Variants in ECI2 observed in about 807,000 individuals in gnomAD.
The protein encoded by ECI2 is enoyl-CoA delta isomerase 2.
A neutral mutation model predicts 38.4 loss-of-function variants in ECI2; 27 were observed. That is an observed-to-expected ratio of 0.70 (90% CI 0.52 to 0.97). The LOEUF is 0.97. Ranked by LOEUF, ECI2 falls within the 50% of genes least tolerant of loss-of-function variation. ECI2 has a pLI of 0.00. For synonymous variants in ECI2, 168 were observed against 172.0 expected (o/e 0.98, Z 0.18); for missense variants, 470 against 474.4 (o/e 0.99, Z 0.09).
rs1404763029 is a variant in ECI2, at chr6:4,125,033, C to T, written c.795+217G>A. 3 of 728,506 alleles carry T rather than the reference C, an allele frequency of 4.1e-6. No homozygotes were observed. In the South Asian group the frequency reaches 4.7e-5, roughly 11 times the overall value. The allele number at this position is 728,506 out of a possible 1,614,324, so 45.1% of individuals were successfully genotyped here. The stretch of plus-strand genomic sequence containing the variant: ...GAATTTGATTAGAATCCGGAACAGT[C>T]AGAGTTGGAACAATGTTCACAACAA... On this transcript the variant is annotated intron_variant, in intron 7 of 9. Coordinates refer to ENST00000380118, the MANE Select transcript of ECI2 (RefSeq NM_206836.3).
intron 6 of ECI2, chr6:4,125,748 C>T: frequency 2.5e-6 from 1 of 407,918 alleles, no homozygotes; most frequent in South Asian, 2.3e-5. Flanking sequence ...AAGAGAAAAG[C>T]CTTCATGACC....
At chr6:4,118,970 G>C in intron 8 of ECI2, 1 of 418,386 alleles carries the variant, frequency 2.4e-6, no homozygotes. Flanking sequence ...CCCAGTTCTG[G>C]GAACTGCAGA....
chr6:4,133,779 G>A, intron 1 of ECI2, 68 bp from the exon 2 acceptor site: 1 of 1,516,790 alleles, frequency 6.6e-7, no homozygotes, highest in Non-Finnish European at 8.8e-7. Context: ...ATTTCTAATT[G>A]TTCCCAGCCT....
chr6:4,127,907 C>G, intron 4 of ECI2, 76 bp from the exon 5 acceptor site: 1 of 1,426,892 alleles, frequency 7.0e-7, no homozygotes, highest in Non-Finnish European at 9.6e-7. Context: ...CAACAAATGT[C>G]AGGCTGCAAG....
chr6:4,127,705 TATTAAGAGGCCCCTCAAA>T lies in ECI2; in HGVS notation c.571+39_571+56del, dbSNP rs1024068409. On this transcript the variant is annotated intron_variant, in intron 5 of 9. Coordinates refer to ENST00000380118, the MANE Select transcript of ECI2 (RefSeq NM_206836.3). ...GAGCTTTTTAACTCAATTTCCTATC[TATTAAGAGGCCCCTCAAA>T]ATAGAAATTTAATTAGGATGCCTGA... is the stretch of plus-strand genomic sequence containing the variant. 11 of 1,561,190 alleles carry T rather than the reference TATTAAGAGGCCCCTCAAA, an allele frequency of 7.0e-6. No homozygotes were observed. The African/African-American group carries it at 1.4e-4, about 20-fold the overall frequency.
At chr6:4,126,792 A>G (rs1773190891) in intron 5 of ECI2, among the ~76,000 whole-genome samples, 2 of 152,222 alleles carry the variant, frequency 1.3e-5, no homozygotes, top group Admixed American at 6.5e-5. Flanking sequence ...CACTGAAAGT[A>G]TGTTTCTGAG....
At chr6:4,125,008 G>C (rs1253796185) in intron 7 of ECI2, 2 of 642,896 alleles carry the variant, frequency 3.1e-6, no homozygotes, top group Admixed American at 4.4e-5. Context: ...ACCTATTGTG[G>C]AATTTGATTA....
chr6:4,117,704 A>C (rs1772376094), intron 8 of ECI2: 1 of 372,914 alleles, frequency 2.7e-6, no homozygotes, highest in South Asian at 7.6e-5. Flanking sequence ...CAGGGGGTCC[A>C]GGGCAGAAAT....
rs1386550463 is a variant in ECI2, at chr6:4,125,311, G to A, written c.734C>T (p.Pro245Leu). The change falls in exon 7 of 10, where the codon CCA becomes CTA. Residue 245 changes from proline to leucine, a missense_variant. Transcript: ENST00000380118. ...GAGGGTGACGGAGATGCCCACAGCT[G>A]GACCATTGACCACTGCAATCAGAGG... ...PKPLIAVVNG[P>L]AVGISVTLLG... is the part of the protein sequence containing the mutation. 1 of 1,613,978 alleles carries A rather than the reference G, an allele frequency of 6.2e-7. No individual in the cohort carries two copies. Among genetic ancestry groups the A allele is most frequent in the African/African-American group, 1.3e-5 (1 of 74,886 alleles).
chr6:4,135,096 G>A, intron 1 of ECI2: 1 of 475,090 alleles, frequency 2.1e-6, no homozygotes. Flanking sequence ...CCACACGAGT[G>A]ATAACGGCTT....
In ECI2 at chr6:4,130,465, T is replaced by G; in HGVS notation, c.408A>C (p.Ser136=). The G allele has an allele frequency of 6.2e-7, 1 of 1,614,228 alleles. No homozygotes were observed. The highest frequency in any genetic ancestry group is 8.5e-7 in the Non-Finnish European group (1 of 1,180,042). The change falls in exon 4 of 10, where the codon TCA becomes TCC. Residue 136 remains serine (S), a synonymous_variant. Coordinates refer to ENST00000380118, the MANE Select transcript of ECI2 (RefSeq NM_206836.3). ...TCACCACCAGAGTTTCAAACCCAGT[T>G]GATTTCCTGTCTGTTCCAGGCTCCA... The part of the protein sequence containing the change: ...SQVEPGTDRK[S]TGFETLVVTS...
intron 4 of ECI2, 60 bp from the exon 5 acceptor site, chr6:4,127,891 T>G: frequency 8.6e-6 from 13 of 1,513,870 alleles, no homozygotes; most frequent in Non-Finnish European, 1.2e-5. Context: ...CATCAATCAA[T>G]GGACTCAACA....
chr6:4,125,567 G>C, intron 6 of ECI2, 197 bp from the exon 7 acceptor site: 1 of 725,262 alleles, frequency 1.4e-6, no homozygotes, highest in East Asian at 2.9e-5. Flanking sequence ...CTGAATGGCA[G>C]TGGATGGAAG....
In ECI2 at chr6:4,126,153, T is replaced by G; in HGVS notation, c.656A>C (p.Asn219Thr). 6.2e-7 allele frequency: 1 copy of G among 1,613,862 alleles called. No homozygotes were observed. ...CTCTTACCTCAGTAAAACGGCATTA[T>G]TTTTAGCTTTCTCCTCTACTCCACC... Reference protein sequence around the residue: ...PPGGVEEKAKNNAVLLREFVG... With the variant: ...PPGGVEEKAKTNAVLLREFVG... The change falls in exon 6 of 10, where the codon AAT (asparagine) becomes ACT (threonine). Residue 219 changes from asparagine (N) to threonine (T), a missense_variant. Physicochemically the swap from Asn to Thr is moderately conservative, Grantham distance 65 (BLOSUM62 0). Coordinates refer to ENST00000380118, the MANE Select transcript of ECI2 (RefSeq NM_206836.3).
intron 3 of ECI2, 82 bp downstream of exon 3, chr6:4,130,685 A>C (rs781752472): frequency 6.2e-7 from 1 of 1,600,440 alleles, no homozygotes; most frequent in Non-Finnish European, 8.6e-7. Flanking sequence ...GATCTTGAAG[A>C]CTCCATTTAC....
chr6:4,135,296 A>C, intron 1 of ECI2: 1 of 1,384,114 alleles, frequency 7.2e-7, no homozygotes, highest in Non-Finnish European at 9.7e-7. Context: ...TGACCTCCCG[A>C]CGCGCCCATC....
At chr6:4,131,793 G>A (rs1773518159) in intron 2 of ECI2, among the ~76,000 whole-genome samples, 1 of 152,146 alleles carries the variant, frequency 6.6e-6, no homozygotes, top group Non-Finnish European at 1.5e-5. Context: ...GGAGGCAGAG[G>A]TTGCAGTGAG....
chr6:4,125,715 G>A (rs1773106574), intron 6 of ECI2: 1 of 416,072 alleles, frequency 2.4e-6, no homozygotes, highest in Non-Finnish European at 4.5e-6. Context: ...CAACAAGTGG[G>A]AATTACAGAT....
At chr6:4,127,917 G>A (rs1773281616) in intron 4 of ECI2, 86 bp from the exon 5 acceptor site, 2 of 1,333,956 alleles carry the variant, frequency 1.5e-6, no homozygotes, top group African/African-American at 1.5e-5. Flanking sequence ...CAGGCTGCAA[G>A]CTTGCTCTCA....
Sources: allele counts gnomAD v4.1 joint callset (sites outside exome capture counted in the v4.1 genomes callset), GRCh38; gene constraint gnomAD v4.1.1; transcripts MANE v1.5; gene names NCBI Gene and HGNC (gene_info 2026-07-23, HGNC 2026-07-21).